Variants in DGKG observed in about 807,000 individuals in gnomAD.
DGKG encodes the protein diacylglycerol kinase gamma.
A neutral mutation model predicts 105.3 loss-of-function variants in DGKG; 78 were observed. That is an observed-to-expected ratio of 0.74 (90% CI 0.62 to 0.89). The LOEUF (loss-of-function observed/expected upper bound fraction) is 0.89. Ranked by LOEUF, DGKG falls within the 40% of genes least tolerant of loss-of-function variation. The probability of loss-of-function intolerance (pLI) is 0.00; values close to 1 mark genes in which losing one functional copy is unlikely to be tolerated. For missense variants in DGKG, 958 were observed against 1,020.1 expected (o/e 0.94, Z 0.83); for synonymous variants, 346 against 367.1 (o/e 0.94, Z 0.66).
At chr3:186,265,657 C>CCTTTTT (rs1219378962) in intron 13 of DGKG, among the ~76,000 whole-genome samples, 1 of 77,378 alleles carries the variant, frequency 1.3e-5, no homozygotes, top group Non-Finnish European at 2.3e-5. Flanking sequence ...TTCTTCCTTT[C>CCTTTTT]TTTTTTTTTT....
At chr3:186,179,073 G>T (rs1717232900) in intron 22 of DGKG, among the ~76,000 whole-genome samples, 1 of 152,200 alleles carries the variant, frequency 6.6e-6, no homozygotes, top group Non-Finnish European at 1.5e-5. Flanking sequence ...CAGTAGGCCT[G>T]CAGTGGGACT....
At chr3:186,248,279 C>T (rs1036359419) in intron 19 of DGKG, among the ~76,000 whole-genome samples, 3 of 152,234 alleles carry the variant, frequency 2.0e-5, no homozygotes, top group African/African-American at 7.2e-5. Context: ...GGGGCTGAAG[C>T]TTCTGCAGGC....
chr3:186,202,848 TG>T (rs990938782), intron 21 of DGKG, among the ~76,000 whole-genome samples: 13 of 152,192 alleles, frequency 8.5e-5, no homozygotes, highest in African/African-American at 2.7e-4. Flanking sequence ...AACTACTTTG[TG>T]AAAATGTAGG....
chr3:186,348,424 A>T (rs1578866004), intron 1 of DGKG, among the ~76,000 whole-genome samples: 2 of 78,602 alleles, frequency 2.5e-5, no homozygotes, highest in South Asian at 3.7e-4. Context: ...TGTACAAATT[A>T]CTGAATAGAG....
intron 1 of DGKG, among the ~76,000 whole-genome samples, chr3:186,336,277 A>G (rs1490302674): frequency 6.6e-6 from 1 of 152,100 alleles, no homozygotes; most frequent in African/African-American, 2.4e-5. Flanking sequence ...ACTCATTAAC[A>G]CTTCTGCATG....
chr3:186,168,850 AAAAC>A (rs1438000855), intron 22 of DGKG, among the ~76,000 whole-genome samples: 2 of 152,110 alleles, frequency 1.3e-5, no homozygotes, highest in Admixed American at 6.5e-5. Context: ...ACTCTGTCTT[AAAAC>A]AAACAAACAA....
chr3:186,208,751 C>A (rs934877149), intron 21 of DGKG, among the ~76,000 whole-genome samples: 1 of 152,188 alleles, frequency 6.6e-6, no homozygotes, highest in Non-Finnish European at 1.5e-5. Flanking sequence ...TCTCAGCACA[C>A]CTGCCCAGCT....
chr3:186,229,383 G>A (rs1180338532), intron 20 of DGKG, among the ~76,000 whole-genome samples: 1 of 152,012 alleles, frequency 6.6e-6, no homozygotes, highest in Non-Finnish European at 1.5e-5. Flanking sequence ...TGGGATTACA[G>A]GTGCCCACCC....
At position 186,149,618 on chromosome 3, in the gene DGKG, C is replaced by T. The variant is rs1715661296; in HGVS notation, c.*472G>A. 2.0e-6 allele frequency: 2 copies of T among 986,714 alleles called. No homozygotes were observed. The highest frequency in any genetic ancestry group is 9.3e-5 in the South Asian group (2 of 21,454). 61.1% of individuals were successfully genotyped at this position (986,714 alleles called of 1,614,324 possible). A position where few individuals can be genotyped will look rare whatever the true frequency, so the allele number is the denominator to read the frequency against. On this transcript the variant is annotated 3_prime_UTR_variant, in exon 25 of 25. Transcript: ENST00000265022. ...CTGAGAGCCGGAGGCCGTTTTGTCTCTGTACAGAGGGAACTTTGTGCAAAT... is the reference window on the plus strand; with the variant it reads ...CTGAGAGCCGGAGGCCGTTTTGTCTTTGTACAGAGGGAACTTTGTGCAAAT...
chr3:186,176,985 T>C (rs1482664521), intron 22 of DGKG, among the ~76,000 whole-genome samples: 1 of 152,092 alleles, frequency 6.6e-6, no homozygotes, highest in Non-Finnish European at 1.5e-5. Flanking sequence ...TGCTGGGTGG[T>C]TTTTGGGGAG....
chr3:186,326,514 G>C (rs1725354064), intron 1 of DGKG, among the ~76,000 whole-genome samples: 2 of 151,578 alleles, frequency 1.3e-5, no homozygotes, highest in Non-Finnish European at 2.9e-5. Context: ...TCCAACTCCA[G>C]TCCGACATTG....
intron 20 of DGKG, among the ~76,000 whole-genome samples, chr3:186,239,631 T>C (rs1720579512): frequency 6.6e-6 from 1 of 152,226 alleles, no homozygotes; most frequent in Admixed American, 6.5e-5. Context: ...AAGTTCTTCA[T>C]AGGAAGCGTT....
chr3:186,347,683 A>C (rs1726412974), intron 1 of DGKG, among the ~76,000 whole-genome samples: 1 of 151,736 alleles, frequency 6.6e-6, no homozygotes, highest in Non-Finnish European at 1.5e-5. Flanking sequence ...TCCTGGGTTC[A>C]AGTGTTCTCC....
chr3:186,314,918 G>T (rs1724742801), intron 2 of DGKG, among the ~76,000 whole-genome samples: 1 of 151,938 alleles, frequency 6.6e-6, no homozygotes, highest in Non-Finnish European at 1.5e-5. Flanking sequence ...TGTCCTTGAG[G>T]CATCATGGAA....
chr3:186,203,213 GAA>G lies in DGKG; in HGVS notation c.1917+8580_1917+8581del, dbSNP rs1174839188. Reference sequence around the variant, plus strand: ...GGAAACTCGTAGTCAGTGCACGACTGAAAGAGACAGAGATGGGGATGATGGAG... The same window carrying G: ...GGAAACTCGTAGTCAGTGCACGACTGAGAGACAGAGATGGGGATGATGGAG... On this transcript the variant is annotated intron_variant, in intron 21 of 24. Coordinates refer to ENST00000265022, the MANE Select transcript of DGKG (RefSeq NM_001346.3). This position sits in a 1 kb window ranked among gnomAD's most constrained non-coding sequence, Gnocchi z 4.9. Among the ~76,000 whole-genome samples, 2 of 152,234 alleles carry G rather than the reference GAA, an allele frequency of 1.3e-5. No individual in the cohort carries two copies. Among genetic ancestry groups the G allele is most frequent in the Non-Finnish European group, 2.9e-5 (2 of 68,038 alleles).
intron 1 of DGKG, among the ~76,000 whole-genome samples, chr3:186,325,923 A>G (rs1725317947): frequency 2.0e-5 from 3 of 152,170 alleles, no homozygotes; most frequent in African/African-American, 7.2e-5. Context: ...TTCTAGCACT[A>G]CAAAATGTTT....
intron 15 of DGKG, 51 bp from the exon 16 acceptor site, chr3:186,260,564 T>A (rs1309230548): frequency 7.6e-7 from 1 of 1,311,558 alleles, no homozygotes; most frequent in Admixed American, 1.8e-5. Flanking sequence ...AGAAGGAATA[T>A]GTCATCGTGA....
At chr3:186,161,362 TG>T in intron 24 of DGKG, 1 of 1,361,880 alleles carries the variant, frequency 7.3e-7, no homozygotes, top group African/African-American at 1.5e-5. Context: ...TCCTCGAAGT[TG>T]GTTCTATGTC....
chr3:186,152,364 A>G (rs1192728018), intron 24 of DGKG, among the ~76,000 whole-genome samples: 1 of 151,930 alleles, frequency 6.6e-6, no homozygotes, highest in Non-Finnish European at 1.5e-5. Context: ...GAGACTGGAG[A>G]CTCGGACAGC....
Sources: allele counts gnomAD v4.1 joint callset (sites outside exome capture counted in the v4.1 genomes callset), GRCh38; gene constraint gnomAD v4.1.1; non-coding constraint Gnocchi (gnomAD v3.1); transcripts MANE v1.5; gene names NCBI Gene and HGNC (gene_info 2026-07-23, HGNC 2026-07-21).